Variants in ITGA1 observed in about 807,000 individuals in gnomAD.
ITGA1 encodes integrin alpha-1.
ITGA1 carries 85 observed loss-of-function variants against 145.9 expected under a neutral mutation model. The ratio of observed to expected loss-of-function variants is 0.58; its 90% CI spans 0.49 to 0.70. The LOEUF (loss-of-function observed/expected upper bound fraction) is 0.70, where lower values mean the gene tolerates loss of function less well. ITGA1 is among the 30% of genes least tolerant of loss of function. The pLI, the probability that ITGA1 is intolerant of heterozygous loss-of-function variation, is 0.00. For synonymous variants in ITGA1, 520 were observed against 495.3 expected (o/e 1.05, Z -0.66); for missense variants, 1,351 against 1,418.7 (o/e 0.95, Z 0.77).
intron 7 of ITGA1, among the ~76,000 whole-genome samples, chr5:52,882,356 T>C (rs747319340): frequency 1.2e-4 from 18 of 152,260 alleles, no homozygotes; most frequent in Non-Finnish European, 1.8e-4. Context: ...TCTAAGAGTC[T>C]CAATCTAAAA....
At position 52,937,411 on chromosome 5, in the gene ITGA1, G is replaced by C; in HGVS notation, c.2975G>C (p.Ser992Thr). ...EINIFYLIRK[S>T]GSFPMPELKL... The stretch of plus-strand genomic sequence containing the variant: ...ATTTTTTTCTTGTAGATTAGAAAAA[G>C]TGGATCTTTTCCAATGCCAGAGCTT... The change falls in exon 24 of 29, where the codon AGT (serine) becomes ACT (threonine). Residue 992 changes from serine (S) to threonine (T), a missense_variant. Ser to Thr is a moderately conservative substitution (Grantham distance 58, BLOSUM62 1). Coordinates refer to ENST00000282588, the MANE Select transcript of ITGA1 (RefSeq NM_181501.2). 2 of 1,605,984 alleles carry C rather than the reference G, an allele frequency of 1.2e-6. No individual in the cohort carries two copies. The highest frequency in any genetic ancestry group is 1.7e-6 in the Non-Finnish European group (2 of 1,172,718).
chr5:52,927,533 C>T (rs1232890727), intron 19 of ITGA1, 51 bp from the exon 20 acceptor site: 3 of 1,267,106 alleles, frequency 2.4e-6, no homozygotes. Flanking sequence ...GAACACGTAT[C>T]AATATTTCAC....
At chr5:52,917,986 A>C (rs1750673165) in intron 15 of ITGA1, among the ~76,000 whole-genome samples, 1 of 152,200 alleles carries the variant, frequency 6.6e-6, no homozygotes, top group African/African-American at 2.4e-5. Context: ...AAAAATGTGC[A>C]GTAATTGTTC....
intron 1 of ITGA1, chr5:52,825,288 C>T (rs1376039903): frequency 6.6e-6 from 1 of 152,100 alleles, no homozygotes; most frequent in Non-Finnish European, 1.5e-5. Context: ...AGTATAGGCC[C>T]ATCTTGTTTT....
intron 6 of ITGA1, 82 bp from the exon 7 acceptor site, chr5:52,881,791 A>G: frequency 1.5e-6 from 2 of 1,305,726 alleles, no homozygotes. Flanking sequence ...AATGTATTAT[A>G]TCTGATTCAC....
At chr5:52,902,177 C>T (rs1750326014) in intron 11 of ITGA1, 2 of 152,066 alleles carry the variant, frequency 1.3e-5, no homozygotes, top group Admixed American at 6.6e-5. Context: ...TAGAAAAATC[C>T]CATGCTTATC....
chr5:52,871,724 C>G (rs1286345518), intron 6 of ITGA1, among the ~76,000 whole-genome samples: 1 of 129,612 alleles, frequency 7.7e-6, no homozygotes, highest in Non-Finnish European at 1.7e-5. Context: ...TGGAAACATT[C>G]ACTCTAAAGA....
rs549721071 is a variant in ITGA1, at chr5:52,829,151, G to T, written c.62-20214G>T. Among the ~76,000 whole-genome samples the T allele has an allele frequency of 4.6e-5, 7 of 152,230 alleles. 1 individual carries two copies. In the South Asian group the frequency reaches 1.0e-3, roughly 23 times the overall value. ...ATTAGGACTTAGACAAATTTGTGTGGGGGAACACAATTCAGCCCACTATAA... is the reference window on the plus strand; with the variant it reads ...ATTAGGACTTAGACAAATTTGTGTGTGGGAACACAATTCAGCCCACTATAA... On this transcript the variant is annotated intron_variant, in intron 1 of 28. Transcript: ENST00000282588.
At chr5:52,846,923 C>G (rs1180349269) in intron 1 of ITGA1, among the ~76,000 whole-genome samples, 2 of 152,130 alleles carry the variant, frequency 1.3e-5, no homozygotes, top group African/African-American at 4.8e-5. Context: ...GCCAGTTCAT[C>G]TTTAACTAGA....
intron 2 of ITGA1, among the ~76,000 whole-genome samples, chr5:52,851,680 C>T (rs777812756): frequency 3.9e-5 from 6 of 152,176 alleles, no homozygotes; most frequent in Non-Finnish European, 8.8e-5. Context: ...ACTGAACCAT[C>T]ACAATTCTAC....
intron 1 of ITGA1, chr5:52,801,513 C>T (rs374974514): frequency 6.2e-7 from 1 of 1,613,930 alleles, no homozygotes; most frequent in African/African-American, 1.3e-5. Flanking sequence ...AAGTCAAAGC[C>T]TTGGATGACT....
At chr5:52,846,939 C>G (rs1181591217) in intron 1 of ITGA1, among the ~76,000 whole-genome samples, 2 of 152,102 alleles carry the variant, frequency 1.3e-5, no homozygotes, top group Non-Finnish European at 2.9e-5. Flanking sequence ...CTAGAGCTGG[C>G]ATACTTCTTC....
At chr5:52,794,764 A>C (rs1161100708) in intron 1 of ITGA1, among the ~76,000 whole-genome samples, 2 of 151,988 alleles carry the variant, frequency 1.3e-5, no homozygotes, top group Non-Finnish European at 2.9e-5. Context: ...GGTGGAGGTC[A>C]CATGGGAACC....
intron 18 of ITGA1, among the ~76,000 whole-genome samples, 174 bp from the exon 19 acceptor site, chr5:52,925,104 C>T (rs1468226119): frequency 6.6e-6 from 1 of 152,196 alleles, no homozygotes; most frequent in Non-Finnish European, 1.5e-5. Flanking sequence ...TACTCTTCTC[C>T]CCTATAAATT....
At chr5:52,926,246 A>G (rs1023538720) in intron 19 of ITGA1, among the ~76,000 whole-genome samples, 3 of 152,226 alleles carry the variant, frequency 2.0e-5, no homozygotes, top group African/African-American at 4.8e-5. Context: ...ACTTAGAGAC[A>G]TGATGACTAA....
In ITGA1 at chr5:52,944,952, T is replaced by G. The variant is rs778260383; in HGVS notation, c.3295T>G (p.Ser1099Ala). The G allele has an allele frequency of 5.6e-6, 9 of 1,609,768 alleles. No individual in the cohort carries two copies. The East Asian group carries it at 1.3e-4, about 24-fold the overall frequency. ...CCTATTTGCTTTTCAGTCATATTTT[T>G]CCAGCTTAAATCTTACTATAAGGGG... ...WKPTFIKSYF[S>A]SLNLTIRGEL... is the part of the protein sequence containing the mutation. The change falls in exon 27 of 29, where the codon TCC (serine) becomes GCC (alanine). Residue 1099 changes from serine (S) to alanine (A), a missense_variant. Coordinates refer to ENST00000282588, the MANE Select transcript of ITGA1 (RefSeq NM_181501.2).
chr5:52,913,151 T>C (rs1750594199), intron 14 of ITGA1, among the ~76,000 whole-genome samples: 1 of 152,158 alleles, frequency 6.6e-6, no homozygotes, highest in South Asian at 2.1e-4. Context: ...GAATACTTTG[T>C]AACAATGCTG....
At chr5:52,848,314 T>A (rs912158052) in intron 1 of ITGA1, among the ~76,000 whole-genome samples, 4 of 152,210 alleles carry the variant, frequency 2.6e-5, no homozygotes, top group Non-Finnish European at 4.4e-5. Flanking sequence ...CATGGTGATA[T>A]GTGCATTCTC....
intron 6 of ITGA1, among the ~76,000 whole-genome samples, chr5:52,867,956 G>T (rs1171408671): frequency 6.6e-6 from 1 of 151,896 alleles, no homozygotes; most frequent in Non-Finnish European, 1.5e-5. Flanking sequence ...GAGGATGACT[G>T]TCCTCATCCT....
Sources: allele counts gnomAD v4.1 joint callset (sites outside exome capture counted in the v4.1 genomes callset), GRCh38; gene constraint gnomAD v4.1.1; transcripts MANE v1.5; gene names NCBI Gene and HGNC (gene_info 2026-07-23, HGNC 2026-07-21).